Variants in EYS observed in about 807,000 individuals in gnomAD.
EYS encodes EGF-like photoreceptor maintenance factor.
Under a neutral mutation model 282.1 loss-of-function variants are expected in EYS, and 250 were observed. The observed-to-expected ratio is 0.89, with a 90% CI of 0.80 to 0.98. The LOEUF is 0.98. Among genes scored for constraint, EYS ranks in the 50% least tolerant of loss-of-function variants. The pLI, the probability that EYS is intolerant of heterozygous loss-of-function variation, is 0.00. For synonymous variants in EYS, 1,355 were observed against 1,282.9 expected (o/e 1.06, Z -1.20); for missense variants, 4,016 against 3,709.0 (o/e 1.08, Z -2.15).
At chr6:64,490,871 C>T (rs1386987938) in intron 26 of EYS, among the ~76,000 whole-genome samples, 1 of 150,664 alleles carries the variant, frequency 6.6e-6, no homozygotes, top group Non-Finnish European at 1.5e-5. Flanking sequence ...ATGCATAAAA[C>T]CACACTTTTT....
chr6:64,857,573 T>G (rs542816379), intron 19 of EYS, among the ~76,000 whole-genome samples: 2 of 152,352 alleles, frequency 1.3e-5, no homozygotes, highest in South Asian at 4.1e-4. Flanking sequence ...AAAATGGAGA[T>G]GCAGATATAC....
intron 28 of EYS, among the ~76,000 whole-genome samples, chr6:64,392,398 G>A (rs1773185512): frequency 6.7e-6 from 1 of 150,326 alleles, no homozygotes; most frequent in East Asian, 2.0e-4. Flanking sequence ...CTCAGCAAAT[G>A]TAAAAGAACA....
intron 12 of EYS, among the ~76,000 whole-genome samples, chr6:65,145,210 C>T (rs998243828): frequency 3.3e-5 from 5 of 151,960 alleles, no homozygotes; most frequent in Admixed American, 3.3e-4. Flanking sequence ...TAGTCCACTA[C>T]TACTAATTTA....
At position 64,321,185 on chromosome 6, in the gene EYS, TG is replaced by T. The variant is rs200218922; in HGVS notation, c.6079-14104del. Among the ~76,000 whole-genome samples the T allele has an allele frequency of 9.1e-3, 1,378 of 151,892 alleles. 6 individuals are homozygous for T. The highest frequency in any genetic ancestry group is 0.014 in the Non-Finnish European group (973 of 67,762). On this transcript the variant is annotated intron_variant, in intron 29 of 42. Coordinates refer to ENST00000503581, the MANE Select transcript of EYS (RefSeq NM_001142800.2). Reference sequence around the variant, plus strand: ...CTTTACAGATATAAATCCCTCTTTTTGTTATTCAAATACTATGAACACTTAT... The same window carrying T: ...CTTTACAGATATAAATCCCTCTTTTTTTATTCAAATACTATGAACACTTAT...
chr6:64,612,420 T>C (rs970221918), intron 24 of EYS, among the ~76,000 whole-genome samples: 1 of 152,142 alleles, frequency 6.6e-6, no homozygotes, highest in Non-Finnish European at 1.5e-5. Context: ...AAAAAGAGAA[T>C]GATCATTTTT....
intron 13 of EYS, among the ~76,000 whole-genome samples, chr6:65,042,316 A>G (rs1366409785): frequency 6.6e-6 from 1 of 151,584 alleles, no homozygotes; most frequent in Non-Finnish European, 1.5e-5. Flanking sequence ...TGAATAATCT[A>G]TACCTCGGTT....
intron 18 of EYS, among the ~76,000 whole-genome samples, chr6:64,888,285 T>C (rs1295774956): frequency 6.6e-6 from 1 of 151,970 alleles, no homozygotes; most frequent in African/African-American, 2.4e-5. Flanking sequence ...ATTTTGAATG[T>C]TTGCACCACA....
At chr6:64,154,707 TAAAATTTTA>T (rs1774858279) in intron 31 of EYS, among the ~76,000 whole-genome samples, 1 of 152,104 alleles carries the variant, frequency 6.6e-6, no homozygotes, top group Non-Finnish European at 1.5e-5. Context: ...ACAACAATTT[TAAAATTTTA>T]AAAATTGTTG....
intron 12 of EYS, among the ~76,000 whole-genome samples, chr6:65,211,374 A>T (rs540653895): frequency 6.6e-6 from 1 of 152,224 alleles, no homozygotes; most frequent in East Asian, 1.9e-4. Context: ...AGAGAAAAAT[A>T]TAGAAGACTA....
chr6:63,796,839 T>C (rs1170603048), intron 37 of EYS, among the ~76,000 whole-genome samples: 1 of 152,218 alleles, frequency 6.6e-6, no homozygotes, highest in East Asian at 1.9e-4. Context: ...TATTTCCAAA[T>C]GGATTAAGAA....
At chr6:65,123,037 CTA>C (rs1775610157) in intron 12 of EYS, among the ~76,000 whole-genome samples, 1 of 151,988 alleles carries the variant, frequency 6.6e-6, no homozygotes, top group Non-Finnish European at 1.5e-5. Flanking sequence ...TGCAGCTATG[CTA>C]TGTCTATTTA....
chr6:65,136,435 A>G (rs1188371924), intron 12 of EYS, among the ~76,000 whole-genome samples: 1 of 152,068 alleles, frequency 6.6e-6, no homozygotes, highest in Non-Finnish European at 1.5e-5. Context: ...TAATAGGACT[A>G]TCTGAGCTAC....
chr6:64,763,468 C>T (rs911882556), intron 22 of EYS, among the ~76,000 whole-genome samples: 1 of 152,250 alleles, frequency 6.6e-6, no homozygotes, highest in Middle Eastern at 3.4e-3. Flanking sequence ...ATCATAAAAA[C>T]AGCATGAGGC....
chr6:64,590,179 A>G, intron 26 of EYS, 44 bp downstream of exon 26: 1 of 1,447,084 alleles, frequency 6.9e-7, no homozygotes, highest in South Asian at 1.4e-5. Context: ...GTAGAAAAGA[A>G]ACTCATTTCT....
At chr6:64,506,953 G>A (rs1388307218) in intron 26 of EYS, among the ~76,000 whole-genome samples, 3 of 120,224 alleles carry the variant, frequency 2.5e-5, no homozygotes, top group Non-Finnish European at 3.2e-5. Flanking sequence ...TACTAAAGTA[G>A]TCCTCCCTCC....
At chr6:64,349,290 T>C (rs923565014) in intron 29 of EYS, among the ~76,000 whole-genome samples, 1 of 151,238 alleles carries the variant, frequency 6.6e-6, no homozygotes, top group Non-Finnish European at 1.5e-5. Flanking sequence ...TTATATGTAA[T>C]ACAAATGACA....
intron 33 of EYS, among the ~76,000 whole-genome samples, chr6:64,059,831 C>A (rs1771103726): frequency 6.6e-6 from 1 of 152,050 alleles, no homozygotes; most frequent in African/African-American, 2.4e-5. Context: ...GATAAAGGTG[C>A]AAGAGTAATG....
chr6:65,442,841 T>TACACATGTACACATATAC (rs1554197028), intron 5 of EYS, among the ~76,000 whole-genome samples: 1 of 103,480 alleles, frequency 9.7e-6, no homozygotes, highest in Non-Finnish European at 2.4e-5. Flanking sequence ...TATACATACA[T>TACACATGTACACATATAC]ATACACATAC....
chr6:64,322,774 C>A (rs906399736), intron 29 of EYS, among the ~76,000 whole-genome samples: 4 of 152,140 alleles, frequency 2.6e-5, no homozygotes, highest in African/African-American at 9.6e-5. Context: ...AAAGTTTATT[C>A]CATGGATATT....
Sources: gnomAD v4.1 joint callset for allele counts (sites outside exome capture counted in the v4.1 genomes callset) on GRCh38, gnomAD v4.1.1 for gene constraint, MANE v1.5 for transcripts, NCBI Gene and HGNC (gene_info 2026-07-23, HGNC 2026-07-21) for gene names.